Variants in CCDC178 observed in about 807,000 individuals in gnomAD.
The protein encoded by CCDC178 is coiled-coil domain containing 178, also known as coiled-coil domain-containing protein 178.
Under a neutral mutation model 117.4 loss-of-function variants are expected in CCDC178, and 126 were observed. That is an observed-to-expected ratio of 1.07 (90% CI 0.93 to 1.24). CCDC178 has a LOEUF of 1.24. CCDC178 is among the 50% of genes most tolerant of loss of function. The pLI, the probability that CCDC178 is intolerant of heterozygous loss-of-function variation, is 0.00. For synonymous variants in CCDC178, 283 were observed against 313.4 expected, an observed-to-expected ratio of 0.90 and a Z score of 1.02; for missense variants, 1,030 against 986.9, an observed-to-expected ratio of 1.04 and a Z score of -0.59.
chr18:33,371,472 C>T (rs1331323617), intron 5 of CCDC178, among the ~76,000 whole-genome samples: 1 of 151,824 alleles, frequency 6.6e-6, no homozygotes, highest in African/African-American at 2.4e-5. Context: ...TATAACTTGT[C>T]TAAGTCTACG....
chr18:33,190,593 G>A (rs966456973), intron 20 of CCDC178, among the ~76,000 whole-genome samples: 20 of 152,148 alleles, frequency 1.3e-4, no homozygotes, highest in Admixed American at 1.0e-3. Flanking sequence ...TTCTACATAT[G>A]TTACAAACTT....
At chr18:33,336,004 G>A (rs1259388677) in intron 9 of CCDC178, among the ~76,000 whole-genome samples, 1 of 152,142 alleles carries the variant, frequency 6.6e-6, no homozygotes, top group Non-Finnish European at 1.5e-5. Context: ...TCAGTTGCCT[G>A]ACTTTACTAC....
chr18:33,063,294 T>C (rs2056959064), intron 21 of CCDC178, among the ~76,000 whole-genome samples: 1 of 151,844 alleles, frequency 6.6e-6, no homozygotes, highest in Non-Finnish European at 1.5e-5. Flanking sequence ...CATCTGGGGG[T>C]TTGGAGATCA....
At chr18:33,418,036 A>G (rs1290542192) in intron 2 of CCDC178, among the ~76,000 whole-genome samples, 1 of 152,160 alleles carries the variant, frequency 6.6e-6, no homozygotes, top group Non-Finnish European at 1.5e-5. Flanking sequence ...GCAGAGACAC[A>G]ATGAAAAAGG....
intron 17 of CCDC178, 79 bp from the exon 18 acceptor site, chr18:33,223,298 A>G (rs1334481565): frequency 2.9e-6 from 4 of 1,390,374 alleles, no homozygotes; most frequent in Non-Finnish European, 3.8e-6. Flanking sequence ...TACTTAAGTG[A>G]CTATTTTAAT....
rs542113536 is a variant in CCDC178, at chr18:33,085,140, A to T, written c.2388+7621T>A. On this transcript the variant is annotated intron_variant, in intron 21 of 22. Coordinates refer to ENST00000383096, the MANE Select transcript of CCDC178 (RefSeq NM_001105528.4). Reference sequence around the variant, plus strand: ...GTAGAGGATCATGTTATAATCATATAATCACACTACAATTTGATACAAGAA... The same window carrying T: ...GTAGAGGATCATGTTATAATCATATTATCACACTACAATTTGATACAAGAA... 9.8e-5 allele frequency among the ~76,000 whole-genome samples: 15 copies of T among 152,324 alleles called. No individual in the cohort carries two copies. In the South Asian group the frequency reaches 2.1e-3, roughly 21 times the overall value.
At chr18:33,072,108 A>C (rs1172130035) in intron 21 of CCDC178, among the ~76,000 whole-genome samples, 1 of 152,188 alleles carries the variant, frequency 6.6e-6, no homozygotes, top group Non-Finnish European at 1.5e-5. Flanking sequence ...ATTATCATTA[A>C]GATACTCCCT....
chr18:33,359,911 ACC>A (rs2063103249), intron 6 of CCDC178, among the ~76,000 whole-genome samples: 3 of 151,358 alleles, frequency 2.0e-5, no homozygotes, highest in Non-Finnish European at 4.4e-5. Context: ...ATTTCCATTG[ACC>A]TTGTTTATTT....
chr18:33,250,137 T>C (rs923417372), intron 14 of CCDC178, among the ~76,000 whole-genome samples: 1 of 151,740 alleles, frequency 6.6e-6, no homozygotes, highest in African/African-American at 2.4e-5. Flanking sequence ...CAAGATGATA[T>C]AAAAACAAAA....
chr18:33,114,432 T>G (rs1182666619), intron 20 of CCDC178, among the ~76,000 whole-genome samples: 1 of 151,986 alleles, frequency 6.6e-6, no homozygotes, highest in Non-Finnish European at 1.5e-5. Flanking sequence ...AGGGGAACAC[T>G]GCAATGGGGA....
intron 21 of CCDC178, among the ~76,000 whole-genome samples, chr18:33,091,324 C>CTTTTTT (rs746505005): frequency 0.069 from 2,990 of 43,610 alleles, 1,091 homozygotes; most frequent in South Asian, 0.099. Flanking sequence ...TTATTTCATT[C>CTTTTTT]TTTTTTTTTT....
intron 20 of CCDC178, among the ~76,000 whole-genome samples, chr18:33,111,674 A>C (rs1253108940): frequency 6.6e-6 from 1 of 151,722 alleles, no homozygotes; most frequent in East Asian, 1.9e-4. Flanking sequence ...GACAGAACTA[A>C]GATGCAATGG....
intron 11 of CCDC178, among the ~76,000 whole-genome samples, chr18:33,307,933 G>A (rs1213591198): frequency 6.6e-6 from 1 of 152,224 alleles, no homozygotes; most frequent in African/African-American, 2.4e-5. Flanking sequence ...GAAACACATG[G>A]ATGTCCAGGA....
intron 2 of CCDC178, among the ~76,000 whole-genome samples, chr18:33,415,468 G>T (rs949581605): frequency 6.6e-6 from 1 of 150,838 alleles, no homozygotes; most frequent in African/African-American, 2.4e-5. Flanking sequence ...AACAAACACC[G>T]CATGTTCTCA....
intron 19 of CCDC178, among the ~76,000 whole-genome samples, chr18:33,215,108 T>C (rs1167059520): frequency 6.6e-6 from 1 of 151,970 alleles, no homozygotes; most frequent in African/African-American, 2.4e-5. Flanking sequence ...AGGTGACTGA[T>C]AAGAAACTTT....
intron 21 of CCDC178, among the ~76,000 whole-genome samples, chr18:33,056,820 T>C (rs1303754984): frequency 6.6e-6 from 1 of 152,158 alleles, no homozygotes; most frequent in Non-Finnish European, 1.5e-5. Flanking sequence ...GTGAGTATAC[T>C]TTTCCAGTTT....
chr18:33,247,573 GGTGT>G (rs1338382109), intron 14 of CCDC178, among the ~76,000 whole-genome samples: 4 of 151,754 alleles, frequency 2.6e-5, no homozygotes, highest in African/African-American at 9.7e-5. Flanking sequence ...AAAAATATGG[GGTGT>G]GTGTGCAAGC....
chr18:33,150,954 G>T (rs1430286085), intron 20 of CCDC178, among the ~76,000 whole-genome samples: 1 of 152,136 alleles, frequency 6.6e-6, no homozygotes, highest in Non-Finnish European at 1.5e-5. Context: ...GCAGCAACTT[G>T]GATGGAGTTG....
At chr18:33,213,096 CTA>C (rs2059126004) in intron 19 of CCDC178, among the ~76,000 whole-genome samples, 1 of 151,976 alleles carries the variant, frequency 6.6e-6, no homozygotes, top group African/African-American at 2.4e-5. Flanking sequence ...AAAAACCACT[CTA>C]TGAAATAATA....
Sources: gnomAD v4.1 joint callset for allele counts (sites outside exome capture counted in the v4.1 genomes callset) on GRCh38, gnomAD v4.1.1 for gene constraint, MANE v1.5 for transcripts, NCBI Gene and HGNC (gene_info 2026-07-23, HGNC 2026-07-21) for gene names.